The following POU6F2 variants were observed in gnomAD, a reference collection of about 807,000 sequenced individuals.
POU6F2 encodes POU class 6 homeobox 2, also known as POU domain, class 6, transcription factor 2.
In POU6F2, 31 loss-of-function variants were observed where a neutral mutation model predicts 71.3. That is an observed-to-expected ratio of 0.43 (90% CI 0.33 to 0.59). POU6F2 has a LOEUF of 0.59. Among genes scored for constraint, POU6F2 ranks in the 20% least tolerant of loss-of-function variants. The pLI, the probability that POU6F2 is intolerant of heterozygous loss-of-function variation, is 0.04. For synonymous variants in POU6F2, 347 were observed against 355.7 expected, an observed-to-expected ratio of 0.98 and a Z score of 0.27; for missense variants, 783 against 856.8, an observed-to-expected ratio of 0.91 and a Z score of 1.07.
chr7:39,253,141 T>G (rs2128753112), intron 4 of POU6F2, among the ~76,000 whole-genome samples: 1 of 152,336 alleles, frequency 6.6e-6, no homozygotes, highest in Middle Eastern at 3.4e-3. Context: ...GCAGAAATAT[T>G]TGTTAAATTC....
At chr7:39,077,228 T>C (rs1791020228) in intron 1 of POU6F2, among the ~76,000 whole-genome samples, 1 of 152,242 alleles carries the variant, frequency 6.6e-6, no homozygotes, top group Non-Finnish European at 1.5e-5. Context: ...TTGATGGTGC[T>C]ATTAGGTTGT....
chr7:39,153,817 G>T (rs1352594896), intron 2 of POU6F2, among the ~76,000 whole-genome samples: 2 of 152,086 alleles, frequency 1.3e-5, no homozygotes, highest in Non-Finnish European at 2.9e-5. Context: ...AGTACCATGA[G>T]AAGCCTTGCG....
intron 4 of POU6F2, among the ~76,000 whole-genome samples, chr7:39,291,269 T>G (rs1035835977): frequency 2.0e-5 from 3 of 152,238 alleles, no homozygotes; most frequent in Non-Finnish European, 4.4e-5. Context: ...TGAGATTATT[T>G]GATAGCATTA....
intron 8 of POU6F2, among the ~76,000 whole-genome samples, chr7:39,453,715 G>A (rs1404383875): frequency 6.6e-6 from 1 of 152,186 alleles, no homozygotes; most frequent in African/African-American, 2.4e-5. Flanking sequence ...GGGCCAGATA[G>A]AACTTTCATT....
intron 5 of POU6F2, among the ~76,000 whole-genome samples, chr7:39,352,490 G>A (rs932772228): frequency 2.6e-5 from 4 of 152,218 alleles, no homozygotes; most frequent in African/African-American, 9.6e-5. Context: ...TCCTTAAAAT[G>A]TAGAGGCCAT....
intron 4 of POU6F2, among the ~76,000 whole-genome samples, chr7:39,307,326 AAAGTT>A (rs1304640545): frequency 6.6e-6 from 1 of 152,256 alleles, no homozygotes; most frequent in Non-Finnish European, 1.5e-5. Context: ...ATTATGTATT[AAAGTT>A]AATATTTTTT....
chr7:39,045,678 T>A (rs1584515196), intron 1 of POU6F2, among the ~76,000 whole-genome samples: 1 of 151,812 alleles, frequency 6.6e-6, no homozygotes, highest in Admixed American at 6.6e-5. Flanking sequence ...TAGAACACTG[T>A]CTTCATTCCA....
At chr7:39,155,657 C>T (rs924151969) in intron 2 of POU6F2, among the ~76,000 whole-genome samples, 2 of 152,132 alleles carry the variant, frequency 1.3e-5, no homozygotes, top group Non-Finnish European at 2.9e-5. Context: ...CTCAAGACAA[C>T]TACATGTTGT....
At chr7:39,039,530 T>C (rs2128711371) in intron 1 of POU6F2, among the ~76,000 whole-genome samples, 1 of 152,018 alleles carries the variant, frequency 6.6e-6, no homozygotes, top group East Asian at 1.9e-4. Context: ...ACAATCTCCA[T>C]AATTGCAAAA....
At chr7:39,038,646 G>A (rs1249031525) in intron 1 of POU6F2, among the ~76,000 whole-genome samples, 1 of 151,888 alleles carries the variant, frequency 6.6e-6, no homozygotes, top group Non-Finnish European at 1.5e-5. Flanking sequence ...ATTCTTTCTT[G>A]TGTATCCCTT....
At chr7:39,067,712 A>C (rs1790788093) in intron 1 of POU6F2, among the ~76,000 whole-genome samples, 1 of 152,142 alleles carries the variant, frequency 6.6e-6, no homozygotes, top group African/African-American at 2.4e-5. Flanking sequence ...TATTGCTTTT[A>C]TAAATCTATA....
At chr7:39,184,014 T>C (rs1438769104) in intron 2 of POU6F2, among the ~76,000 whole-genome samples, 1 of 152,202 alleles carries the variant, frequency 6.6e-6, no homozygotes, top group African/African-American at 2.4e-5. Context: ...GGCTGACACC[T>C]GCATTCCCCA....
rs577651388 is a variant in POU6F2 at position 39,217,680 on chromosome 7, C to T, written c.598+10060C>T. Among the ~76,000 whole-genome samples, 101 of 152,264 alleles carry T rather than the reference C, an allele frequency of 6.6e-4. 2 individuals carry two copies. In the South Asian group the frequency reaches 0.019, roughly 29 times the overall value. On this transcript the variant is annotated intron_variant, in intron 4 of 9. Coordinates refer to ENST00000518318, the MANE Select transcript of POU6F2 (RefSeq NM_001370959.1). The stretch of plus-strand genomic sequence containing the variant: ...TTATTGAGAAGAGCTTCACAAGACA[C>T]GCCATACAATAATACCAAATCCACC...
chr7:39,150,409 T>C (rs1007782877), intron 2 of POU6F2, among the ~76,000 whole-genome samples: 2 of 152,022 alleles, frequency 1.3e-5, no homozygotes, highest in Non-Finnish European at 2.9e-5. Context: ...GTTTTACTTT[T>C]ATTTTCTTTG....
At chr7:39,147,595 T>G (rs1792649469) in intron 2 of POU6F2, among the ~76,000 whole-genome samples, 1 of 152,226 alleles carries the variant, frequency 6.6e-6, no homozygotes, top group African/African-American at 2.4e-5. Flanking sequence ...TCCAATCTCT[T>G]TCCCTTTTTT....
chr7:39,271,999 G>A (rs1049997108), intron 4 of POU6F2, among the ~76,000 whole-genome samples: 3 of 151,948 alleles, frequency 2.0e-5, no homozygotes, highest in African/African-American at 4.8e-5. Flanking sequence ...GTGGGGGTGG[G>A]GGAGAGGGGG....
intron 1 of POU6F2, among the ~76,000 whole-genome samples, chr7:39,040,556 A>G (rs1358038074): frequency 6.6e-6 from 1 of 151,874 alleles, no homozygotes; most frequent in African/African-American, 2.4e-5. Context: ...ACCCAAAGCT[A>G]TGTTTTCCAG....
In POU6F2 at chr7:39,001,118, T is replaced by C. The variant is rs1383608176; in HGVS notation, c.105+23060T>C. Among the ~76,000 whole-genome samples, 3 of 152,330 alleles carry C rather than the reference T, an allele frequency of 2.0e-5. No individual in the cohort carries two copies. The East Asian group carries it at 5.8e-4, about 29-fold the overall frequency. On this transcript the variant is annotated intron_variant, in intron 1 of 9. Transcript: ENST00000518318. Reference sequence around the variant, plus strand: ...TTTTAACCTGTGTGACCTATCAGGTTACTTTTCTACCTTGATGTTCTTGAT... The same window carrying C: ...TTTTAACCTGTGTGACCTATCAGGTCACTTTTCTACCTTGATGTTCTTGAT...
At chr7:39,323,111 T>TAAA (rs35837057) in intron 4 of POU6F2, among the ~76,000 whole-genome samples, 2 of 141,916 alleles carry the variant, frequency 1.4e-5, no homozygotes, top group African/African-American at 5.2e-5. Context: ...CAGGAAGATT[T>TAAA]AAAAAAAAAA....
Sources: gnomAD v4.1 joint callset for allele counts (sites outside exome capture counted in the v4.1 genomes callset) on GRCh38, gnomAD v4.1.1 for gene constraint, MANE v1.5 for transcripts, NCBI Gene and HGNC (gene_info 2026-07-23, HGNC 2026-07-21) for gene names.